The following FGGY variants were observed in gnomAD, a reference collection of about 807,000 sequenced individuals.
FGGY encodes the protein FGGY carbohydrate kinase domain-containing protein.
Under a neutral mutation model 71.3 loss-of-function variants are expected in FGGY, and 72 were observed. That is an observed-to-expected ratio of 1.01 (90% CI 0.84 to 1.23). The LOEUF (loss-of-function observed/expected upper bound fraction) is 1.23. Among genes scored for constraint, FGGY ranks in the 50% most tolerant of loss-of-function variants. FGGY has a pLI of 0.00. For missense variants in FGGY, 668 were observed against 682.3 expected, an observed-to-expected ratio of 0.98 and a Z score of 0.23; for synonymous variants, 251 against 250.3, an observed-to-expected ratio of 1.00 and a Z score of -0.02.
intron 6 of FGGY, among the ~76,000 whole-genome samples, chr1:59,510,149 T>C (rs72666222): frequency 0.058 from 8,829 of 152,112 alleles, 324 homozygotes; most frequent in East Asian, 0.13. Flanking sequence ...AAAGGTAATG[T>C]AATGAATAAG....
chr1:59,618,859 A>G (rs947156619), intron 9 of FGGY, among the ~76,000 whole-genome samples: 3 of 152,102 alleles, frequency 2.0e-5, no homozygotes, highest in African/African-American at 7.2e-5. Flanking sequence ...GACACGATCT[A>G]TGTACAGATG....
At chr1:59,691,643 T>C (rs2097588587) in intron 14 of FGGY, among the ~76,000 whole-genome samples, 1 of 132,270 alleles carries the variant, frequency 7.6e-6, no homozygotes, top group Non-Finnish European at 1.5e-5. Flanking sequence ...TTTCTTTTCT[T>C]TTTTTTTTTT....
At chr1:59,596,351 T>TGC (rs2096524814) in intron 8 of FGGY, among the ~76,000 whole-genome samples, 1 of 151,954 alleles carries the variant, frequency 6.6e-6, no homozygotes, top group African/African-American at 2.4e-5. Flanking sequence ...AGGGACATAT[T>TGC]CCATTTAGGG....
At chr1:59,553,851 G>A (rs984455498) in intron 7 of FGGY, 5 of 306,648 alleles carry the variant, frequency 1.6e-5, no homozygotes, top group Non-Finnish European at 1.8e-5. Context: ...GATAGCTGCT[G>A]CTTTTATTAT....
At chr1:59,606,997 G>A (rs66501642) in intron 8 of FGGY, among the ~76,000 whole-genome samples, 15,050 of 152,194 alleles carry the variant, frequency 0.099, 853 homozygotes, top group South Asian at 0.29. Flanking sequence ...CTATTAGGTA[G>A]CAGTACATAT....
intron 12 of FGGY, among the ~76,000 whole-genome samples, chr1:59,660,590 C>T (rs1360372478): frequency 6.6e-6 from 1 of 152,100 alleles, no homozygotes; most frequent in East Asian, 1.9e-4. Flanking sequence ...CAAACAGATG[C>T]TATGTATGCT....
At chr1:59,419,536 T>G (rs917548012) in intron 5 of FGGY, among the ~76,000 whole-genome samples, 3 of 152,190 alleles carry the variant, frequency 2.0e-5, no homozygotes, top group African/African-American at 7.2e-5. Flanking sequence ...TGGTTCCAAG[T>G]ATTCATCTGA....
At chr1:59,354,473 G>C (rs2053903144) in intron 4 of FGGY, among the ~76,000 whole-genome samples, 1 of 152,216 alleles carries the variant, frequency 6.6e-6, no homozygotes. Flanking sequence ...GCTGGGATTT[G>C]AACTTTGGCA....
chr1:59,601,461 A>T (rs928025246), intron 8 of FGGY, among the ~76,000 whole-genome samples: 1 of 152,348 alleles, frequency 6.6e-6, no homozygotes, highest in South Asian at 2.1e-4. Flanking sequence ...AAAGAGAGGC[A>T]GGAGCACATG....
At chr1:59,468,794 C>T (rs1377188742) in intron 6 of FGGY, among the ~76,000 whole-genome samples, 1 of 148,168 alleles carries the variant, frequency 6.7e-6, no homozygotes. Context: ...ATGGCGTGAA[C>T]ATGGGAGGCG....
At chr1:59,677,589 G>A (rs1040298433) in intron 14 of FGGY, among the ~76,000 whole-genome samples, 1 of 152,114 alleles carries the variant, frequency 6.6e-6, no homozygotes, top group African/African-American at 2.4e-5. Context: ...TTTTCAGCCG[G>A]GGGTAGAGTC....
At chr1:59,568,343 C>T (rs1487664040) in intron 8 of FGGY, among the ~76,000 whole-genome samples, 1 of 151,974 alleles carries the variant, frequency 6.6e-6, no homozygotes, top group Non-Finnish European at 1.5e-5. Context: ...ATGTTGTTTT[C>T]CCTGCCTGGA....
chr1:59,360,073 C>T (rs1292415381), intron 4 of FGGY, among the ~76,000 whole-genome samples: 1 of 151,472 alleles, frequency 6.6e-6, no homozygotes, highest in Non-Finnish European at 1.5e-5. Context: ...TCTCATTTTA[C>T]CGATTAATTA....
intron 8 of FGGY, among the ~76,000 whole-genome samples, chr1:59,592,386 A>G (rs2153793067): frequency 6.6e-6 from 1 of 152,300 alleles, no homozygotes; most frequent in East Asian, 1.9e-4. Context: ...GCAATTCCTC[A>G]GGGATCTAGA....
In FGGY at chr1:59,456,973, C is replaced by T. The variant is rs781691605; in HGVS notation, c.567C>T (p.Ser189=). The T allele has an allele frequency of 3.7e-6, 6 of 1,613,190 alleles. No homozygotes were observed. Among genetic ancestry groups the T allele is most frequent in the Non-Finnish European group, 5.1e-6 (6 of 1,179,194 alleles). ...ATGVTARSLC[S]LVCKWTYSAE... ...TCTATTTTCTTAGGTCTCTCTGCTC[C>T]CTGGTGTGTAAGTGGACATATTCAG... The change falls in exon 6 of 16, where the codon TCC becomes TCT. Residue 189 remains serine (S), a synonymous_variant. Transcript: ENST00000303721.
intron 8 of FGGY, among the ~76,000 whole-genome samples, chr1:59,578,242 C>T (rs1231903339): frequency 6.6e-6 from 1 of 152,004 alleles, no homozygotes; most frequent in African/African-American, 2.4e-5. Flanking sequence ...AGAATGATCC[C>T]AGAGCAGGAC....
intron 4 of FGGY, among the ~76,000 whole-genome samples, chr1:59,367,916 A>G (rs2056855879): frequency 6.6e-6 from 1 of 152,092 alleles, no homozygotes. Context: ...CTTTTTTTTA[A>G]AAAAAGCTGT....
chr1:59,424,675 G>T (rs558430377), intron 5 of FGGY, among the ~76,000 whole-genome samples: 3 of 152,208 alleles, frequency 2.0e-5, no homozygotes, highest in Non-Finnish European at 4.4e-5. Flanking sequence ...ACCTTGCACT[G>T]TGAGCTCCCT....
At chr1:59,460,604 G>T (rs1323178792) in intron 6 of FGGY, among the ~76,000 whole-genome samples, 1 of 152,220 alleles carries the variant, frequency 6.6e-6, no homozygotes, top group Non-Finnish European at 1.5e-5. Flanking sequence ...GCCTCCTCAA[G>T]TGGGTCCCTC....
Sources: gnomAD v4.1 joint callset for allele counts (sites outside exome capture counted in the v4.1 genomes callset) on GRCh38, gnomAD v4.1.1 for gene constraint, MANE v1.5 for transcripts, NCBI Gene and HGNC (gene_info 2026-07-23, HGNC 2026-07-21) for gene names.